Variants in KIAA0513 observed in about 807,000 individuals in gnomAD.
The protein encoded by KIAA0513 is uncharacterized protein KIAA0513.
In KIAA0513, 39 loss-of-function variants were observed where a neutral mutation model predicts 56.5. That is an observed-to-expected ratio of 0.69 (90% confidence interval 0.53 to 0.90). The LOEUF is 0.90. Ranked by LOEUF, KIAA0513 falls within the 40% of genes least tolerant of loss-of-function variation. The pLI, the probability that KIAA0513 is intolerant of heterozygous loss-of-function variation, is 0.00. For missense variants in KIAA0513, 591 were observed against 535.2 expected (o/e 1.10, Z -1.03); for synonymous variants, 268 against 215.6 (o/e 1.24, Z -2.13).
At chr16:85,035,145 C>T (rs1261640263) in intron 1 of KIAA0513, among the ~76,000 whole-genome samples, 1 of 152,214 alleles carries the variant, frequency 6.6e-6, no homozygotes, top group African/African-American at 2.4e-5. Context: ...CCCAGTTCTC[C>T]GAGCATGGCC....
chr16:85,036,191 T>C (rs905743404), intron 1 of KIAA0513, among the ~76,000 whole-genome samples: 4 of 152,188 alleles, frequency 2.6e-5, no homozygotes, highest in Non-Finnish European at 4.4e-5. Flanking sequence ...ATGTTTTAGA[T>C]ATCATAACAT....
At chr16:85,056,346 C>G (rs2073329348) in intron 1 of KIAA0513, among the ~76,000 whole-genome samples, 1 of 152,202 alleles carries the variant, frequency 6.6e-6, no homozygotes, top group Admixed American at 6.5e-5. Context: ...TTTCAAACGC[C>G]CTGGAAGTTA....
At chr16:85,046,955 A>G (rs867503958) in intron 1 of KIAA0513, among the ~76,000 whole-genome samples, 2 of 152,126 alleles carry the variant, frequency 1.3e-5, no homozygotes, top group South Asian at 4.1e-4. Flanking sequence ...ATCTTTTCCC[A>G]TGCGAGTTGA....
At chr16:85,045,270 A>C (rs1486020874) in intron 1 of KIAA0513, among the ~76,000 whole-genome samples, 1 of 152,202 alleles carries the variant, frequency 6.6e-6, no homozygotes, top group South Asian at 2.1e-4. Context: ...GCCTGGTTTC[A>C]GCTGATCAGG....
At chr16:85,055,217 C>T (rs540516039) in intron 1 of KIAA0513, among the ~76,000 whole-genome samples, 1 of 152,148 alleles carries the variant, frequency 6.6e-6, no homozygotes, top group African/African-American at 2.4e-5. Flanking sequence ...AGCCACCGCC[C>T]CCAGCCTCTT....
intron 10 of KIAA0513, among the ~76,000 whole-genome samples, chr16:85,084,250 C>CTTT (rs57226779): frequency 1.1e-4 from 15 of 132,368 alleles, no homozygotes; most frequent in Admixed American, 3.8e-4. Flanking sequence ...TTTTCTTTTT[C>CTTT]TTTTTTTTTT....
At position 85,090,240 on chromosome 16, in the gene KIAA0513, C is replaced by T. The variant is rs1191151742; in HGVS notation, c.*1915C>T. 1 of 152,354 alleles carries T rather than the reference C, an allele frequency of 6.6e-6. No homozygotes were observed. Among genetic ancestry groups the T allele is most frequent in the Middle Eastern group, 3.4e-3 (1 of 294 alleles). The allele number at this position is 152,354 out of a possible 1,614,324, so 9.4% of individuals were successfully genotyped here. On this transcript the variant is annotated 3_prime_UTR_variant, in exon 13 of 13. Coordinates refer to ENST00000683363, the MANE Select transcript of KIAA0513 (RefSeq NM_001388359.1). ...CCAGCCACGGCTCCAGGGCACTGCT[C>T]TCCTCCTTGCACCGGTGAAACTCAG...
In KIAA0513 at chr16:85,027,946, C is replaced by G. The variant is rs112359817; in HGVS notation, c.-173+88C>G. 0.061 allele frequency: 9,208 copies of G among 150,228 alleles called. 301 individuals carry two copies. The highest frequency in any genetic ancestry group is 0.076 in the East Asian group (383 of 5,034). 9.3% of individuals were successfully genotyped at this position (150,228 alleles called of 1,614,324 possible). A position where few individuals can be genotyped will look rare whatever the true frequency, so the allele number is the denominator to read the frequency against. Reference sequence around the variant, plus strand: ...GACGGCGGGGACCCGGGATGGGGGTCTGCGAGGGGTGACAGCTGGGAGCGC... The same window carrying G: ...GACGGCGGGGACCCGGGATGGGGGTGTGCGAGGGGTGACAGCTGGGAGCGC... On this transcript the variant is annotated intron_variant, in intron 1 of 12. Coordinates refer to ENST00000683363, the MANE Select transcript of KIAA0513 (RefSeq NM_001388359.1).
At chr16:85,069,207 G>GTT (rs548885026) in intron 2 of KIAA0513, among the ~76,000 whole-genome samples, 7 of 138,550 alleles carry the variant, frequency 5.1e-5, no homozygotes, top group Admixed American at 7.3e-5. Context: ...ATTTTTTTGT[G>GTT]TTTTTTTTTT....
Position 85,090,027 on chromosome 16 carries a change from G to A in KIAA0513, c.*1702G>A, listed in dbSNP as rs2073852249. ...CCGCTGGCCAGACCGTGACCATGCT[G>A]CCAGTGTGCTCGCCATGAGCTGGGT... On this transcript the variant is annotated 3_prime_UTR_variant, in exon 13 of 13. Transcript: ENST00000683363. 1.3e-5 allele frequency: 2 copies of A among 152,244 alleles called. No individual in the cohort carries two copies. Among genetic ancestry groups the A allele is most frequent in the Admixed American group, 1.3e-4 (2 of 15,284 alleles). The allele number at this position is 152,244 out of a possible 1,614,324, so 9.4% of individuals were successfully genotyped here.
Position 85,081,342 on chromosome 16 carries a change from CT to C in KIAA0513, c.936del (p.Phe312LeufsTer32), listed in dbSNP as rs1567545747. ...ACACTCTGAGGTTCTGGAATGCAGC[CT>C]TTTTTGACGCTGTCCATTGTGAGAG... ...WHTLRFWNAAFFDAVHCERTK... is the reference protein window; with the variant it reads ...WHTLRFWNAAXFDAVHCERTK... On this transcript the variant is annotated frameshift_variant, in exon 9 of 13. Coordinates refer to ENST00000683363, the MANE Select transcript of KIAA0513 (RefSeq NM_001388359.1). LOFTEE classifies it high-confidence loss of function. This position sits in a 1 kb window ranked among gnomAD's most constrained non-coding sequence, Gnocchi z 4.4. 2 of 1,605,490 alleles carry C rather than the reference CT, an allele frequency of 1.2e-6. No homozygotes were observed. The highest frequency in any genetic ancestry group is 1.7e-5 in the Admixed American group (1 of 58,936).
chr16:85,067,542 G>A (rs2073505656), intron 2 of KIAA0513, 142 bp downstream of exon 2: 2 of 658,956 alleles, frequency 3.0e-6, no homozygotes, highest in Non-Finnish European at 5.1e-6. Context: ...GGTGGCGACT[G>A]CAGGGGCCTC....
intron 1 of KIAA0513, among the ~76,000 whole-genome samples, chr16:85,029,797 C>G (rs2072937868): frequency 2.0e-5 from 3 of 152,360 alleles, no homozygotes; most frequent in South Asian, 4.1e-4. Flanking sequence ...TAATAACCCT[C>G]ACTTTAATAC....
chr16:85,052,444 C>T (rs144761565), intron 1 of KIAA0513, among the ~76,000 whole-genome samples: 1 of 152,052 alleles, frequency 6.6e-6, no homozygotes, highest in African/African-American at 2.4e-5. Flanking sequence ...CCTGGGAGGC[C>T]GAGGTTCCCA....
At chr16:85,038,346 G>A (rs1007734931) in intron 1 of KIAA0513, among the ~76,000 whole-genome samples, 4 of 152,152 alleles carry the variant, frequency 2.6e-5, no homozygotes, top group African/African-American at 7.2e-5. Flanking sequence ...AATGCAAGAC[G>A]CACCACGTGT....
At position 85,076,605 on chromosome 16, in the gene KIAA0513, C is replaced by G. The variant is rs1471406165; in HGVS notation, c.574+691C>G. On this transcript the variant is annotated intron_variant, in intron 5 of 12. Coordinates refer to ENST00000683363, the MANE Select transcript of KIAA0513 (RefSeq NM_001388359.1). The surrounding 1 kb of genome is among the most constrained non-coding windows in gnomAD (Gnocchi z 4.7). The stretch of plus-strand genomic sequence containing the variant: ...CCCCGTGCTTTCCTCTCTCGGGACC[C>G]GCGTGCTCACTCTTGGGGTGTATGT... 6.6e-6 allele frequency among the ~76,000 whole-genome samples: 1 copy of G among 152,028 alleles called. No homozygotes were observed. The highest frequency in any genetic ancestry group is 2.4e-5 in the African/African-American group (1 of 41,370).
chr16:85,043,590 C>G (rs35006889), intron 1 of KIAA0513, among the ~76,000 whole-genome samples: 1 of 151,200 alleles, frequency 6.6e-6, no homozygotes, highest in Non-Finnish European at 1.5e-5. Flanking sequence ...CTTTCATATT[C>G]TTAGCAGGGA....
rs62049922 is a variant in KIAA0513 at position 85,078,550 on chromosome 16, C to T, written c.823+95C>T. On this transcript the variant is annotated intron_variant, in intron 7 of 12. Coordinates refer to ENST00000683363, the MANE Select transcript of KIAA0513 (RefSeq NM_001388359.1). Reference sequence around the variant, plus strand: ...ACGGCCTCTGGGGCTTTCCTGCCTCCACGGAGCATGGGCACCTTGCCCTGG... The same window carrying T: ...ACGGCCTCTGGGGCTTTCCTGCCTCTACGGAGCATGGGCACCTTGCCCTGG... The T allele has an allele frequency of 1.7e-3, 2,123 of 1,221,864 alleles. 16 individuals are homozygous for T. The highest frequency in any genetic ancestry group is 0.015 in the Middle Eastern group (72 of 4,668). The allele number at this position is 1,221,864 out of a possible 1,614,324, so 75.7% of individuals were successfully genotyped here.
chr16:85,059,267 CTG>C lies in KIAA0513; in HGVS notation c.-172-7629_-172-7628del, dbSNP rs751264040. Among the ~76,000 whole-genome samples the C allele has an allele frequency of 8.8e-4, 134 of 152,204 alleles. 1 individual carries two copies. Among genetic ancestry groups the C allele is most frequent in the Non-Finnish European group, 1.7e-3 (118 of 68,032 alleles). On this transcript the variant is annotated intron_variant, in intron 1 of 12. Coordinates refer to ENST00000683363, the MANE Select transcript of KIAA0513 (RefSeq NM_001388359.1). ...TGCGTCTTGCAGGTATCCAGTATTG[CTG>C]TGTTTCCCTCAAAAAATTGATCTAT...
Sources: gnomAD v4.1 joint callset for allele counts (sites outside exome capture counted in the v4.1 genomes callset) on GRCh38, gnomAD v4.1.1 for gene constraint, Gnocchi (gnomAD v3.1) non-coding constraint, MANE v1.5 for transcripts, NCBI Gene and HGNC (gene_info 2026-07-23, HGNC 2026-07-21) for gene names.